Variants in SLC44A5 observed in about 807,000 individuals in gnomAD.
SLC44A5 encodes the protein solute carrier family 44 member 5, also known as choline transporter-like protein 5.
SLC44A5 carries 57 observed loss-of-function variants against 101.8 expected under a neutral mutation model. That is an observed-to-expected ratio of 0.56 (90% CI 0.45 to 0.70). SLC44A5 has a LOEUF of 0.70. Among genes scored for constraint, SLC44A5 ranks in the 30% least tolerant of loss-of-function variants. The probability of loss-of-function intolerance (pLI) is 0.00; values close to 1 mark genes in which losing one functional copy is unlikely to be tolerated. For synonymous variants in SLC44A5, 281 were observed against 290.9 expected, an observed-to-expected ratio of 0.97 and a Z score of 0.35; for missense variants, 737 against 853.1, an observed-to-expected ratio of 0.86 and a Z score of 1.70.
intron 11 of SLC44A5, among the ~76,000 whole-genome samples, chr1:75,236,547 C>T (rs187641253): frequency 5.1e-4 from 78 of 151,988 alleles, no homozygotes; most frequent in South Asian, 8.3e-4. Context: ...CCAATCATTA[C>T]GTGGAAGGGA....
chr1:75,459,935 T>C (rs1160963960), intron 2 of SLC44A5, among the ~76,000 whole-genome samples: 1 of 152,178 alleles, frequency 6.6e-6, no homozygotes, highest in Admixed American at 6.5e-5. Flanking sequence ...GTGAATCTTA[T>C]ACAAAGCAGT....
chr1:75,615,943 G>T, upstream of SLC44A5: 1 of 942,358 alleles, frequency 1.1e-6, no homozygotes, highest in Non-Finnish European at 1.3e-6. Flanking sequence ...CTGCCGCGCA[G>T]CTCCCAGGCG....
the SLC44A5 span, among the ~76,000 whole-genome samples, chr1:75,649,404 G>T: frequency 6.6e-6 from 1 of 152,100 alleles, no homozygotes; most frequent in East Asian, 1.9e-4. Context: ...TACAAGTCAT[G>T]TATGGTGTTG....
At chr1:75,317,248 C>A (rs929738220) in intron 4 of SLC44A5, among the ~76,000 whole-genome samples, 1 of 152,090 alleles carries the variant, frequency 6.6e-6, no homozygotes, top group Non-Finnish European at 1.5e-5. Context: ...CAGTGAAAGA[C>A]GCAGCATCAG....
At chr1:75,703,761 C>T in the SLC44A5 span, among the ~76,000 whole-genome samples, 3 of 151,894 alleles carry the variant, frequency 2.0e-5, no homozygotes, top group South Asian at 2.1e-4. Context: ...TCAGGTGCCA[C>T]GCCTGTTCAG....
intron 7 of SLC44A5, among the ~76,000 whole-genome samples, chr1:75,249,900 A>G (rs1375355660): frequency 6.6e-6 from 1 of 152,164 alleles, no homozygotes; most frequent in East Asian, 1.9e-4. Flanking sequence ...TGGTATAGAA[A>G]AGGCAGCTCA....
chr1:75,683,398 C>G, the SLC44A5 span, among the ~76,000 whole-genome samples: 1 of 151,852 alleles, frequency 6.6e-6, no homozygotes, highest in East Asian at 1.9e-4. Flanking sequence ...AAATGTGGCA[C>G]ATATACACCA....
the SLC44A5 span, among the ~76,000 whole-genome samples, chr1:75,703,724 G>A: frequency 1.3e-5 from 2 of 152,086 alleles, no homozygotes; most frequent in South Asian, 2.1e-4. Flanking sequence ...CATACAGCAC[G>A]TTCTCTGTTC....
At chr1:75,667,825 A>C in the SLC44A5 span, among the ~76,000 whole-genome samples, 1 of 152,330 alleles carries the variant, frequency 6.6e-6, no homozygotes, top group East Asian at 1.9e-4. Flanking sequence ...AATGGCTGTC[A>C]CAAAGAAAAA....
At chr1:75,311,989 T>C (rs1655339010) in intron 4 of SLC44A5, among the ~76,000 whole-genome samples, 2 of 152,236 alleles carry the variant, frequency 1.3e-5, no homozygotes, top group South Asian at 4.1e-4. Context: ...CCAAACTTCA[T>C]CTTGAATTGT....
At chr1:75,490,413 T>C (rs916767900) in intron 2 of SLC44A5, among the ~76,000 whole-genome samples, 2 of 152,192 alleles carry the variant, frequency 1.3e-5, no homozygotes. Flanking sequence ...GGCTTCTTTT[T>C]TCTAGGCTTT....
chr1:75,680,577 C>A, the SLC44A5 span, among the ~76,000 whole-genome samples: 36 of 151,504 alleles, frequency 2.4e-4, no homozygotes, highest in African/African-American at 8.7e-4. Context: ...AACAAAGACA[C>A]AACATACCAG....
At chr1:75,447,107 C>T (rs930630780) in intron 2 of SLC44A5, among the ~76,000 whole-genome samples, 5 of 152,130 alleles carry the variant, frequency 3.3e-5, no homozygotes, top group African/African-American at 4.8e-5. Flanking sequence ...TAGAAACCTA[C>T]GAAAGCTTTT....
At chr1:75,234,323 T>C (rs1001463145) in intron 11 of SLC44A5, among the ~76,000 whole-genome samples, 2 of 152,232 alleles carry the variant, frequency 1.3e-5, no homozygotes, top group South Asian at 2.1e-4. Context: ...CTCATCTTCA[T>C]GTACCTGGGT....
intron 1 of SLC44A5, among the ~76,000 whole-genome samples, chr1:75,585,586 G>T (rs1233010160): frequency 6.6e-6 from 1 of 152,102 alleles, no homozygotes; most frequent in East Asian, 1.9e-4. Flanking sequence ...CTGGCCCACA[G>T]CTGAGAACCA....
At chr1:75,558,704 G>A (rs1327699728) in intron 1 of SLC44A5, among the ~76,000 whole-genome samples, 1 of 152,082 alleles carries the variant, frequency 6.6e-6, no homozygotes, top group African/African-American at 2.4e-5. Context: ...TGTAGGCCCT[G>A]AGACTTCAAT....
At chr1:75,714,225 A>T in the SLC44A5 span, among the ~76,000 whole-genome samples, 5 of 152,218 alleles carry the variant, frequency 3.3e-5, no homozygotes, top group Admixed American at 6.5e-5. Flanking sequence ...GGTTGGTTCA[A>T]CATATGCAAA....
At position 75,222,456 on chromosome 1, in the gene SLC44A5, T is replaced by G; in HGVS notation, c.990A>C (p.Ile330=). ...CAATCACTTCAATGATGCAGAGTAT[T>G]ATCACTTTGAACAGGAAAAAAAAAA... ...ELQQTWFTFM[I]ILCIIEVIVI... Residue 330 remains isoleucine, a synonymous_variant, in exon 14 of 24, where the codon ATA becomes ATC. Coordinates refer to ENST00000370859, the MANE Select transcript of SLC44A5 (RefSeq NM_001130058.2). The G allele has an allele frequency of 6.2e-7, 1 of 1,606,098 alleles. No homozygotes were observed. The highest frequency in any genetic ancestry group is 1.1e-5 in the South Asian group (1 of 90,880).
At chr1:75,622,556 C>T in the SLC44A5 span, among the ~76,000 whole-genome samples, 1 of 152,010 alleles carries the variant, frequency 6.6e-6, no homozygotes, top group Non-Finnish European at 1.5e-5. Flanking sequence ...AATCTTAAAG[C>T]TAGTTATCTA....
Sources: allele counts gnomAD v4.1 joint callset (sites outside exome capture counted in the v4.1 genomes callset), GRCh38; gene constraint gnomAD v4.1.1; transcripts MANE v1.5; gene names NCBI Gene and HGNC (gene_info 2026-07-23, HGNC 2026-07-21).